The following HHIPL2 variants were observed in gnomAD, a reference collection of about 807,000 sequenced individuals.
The protein encoded by HHIPL2 is HHIP like 2.
HHIPL2 carries 61 observed loss-of-function variants against 61.0 expected under a neutral mutation model. The observed-to-expected ratio is 1.00, with a 90% CI of 0.81 to 1.24. The LOEUF (loss-of-function observed/expected upper bound fraction) is 1.24, where lower values mean the gene tolerates loss of function less well. Among genes scored for constraint, HHIPL2 ranks in the 50% most tolerant of loss-of-function variants. The pLI is 0.00. For missense variants in HHIPL2, 885 were observed against 910.2 expected, an observed-to-expected ratio of 0.97 and a Z score of 0.36; for synonymous variants, 343 against 357.4, an observed-to-expected ratio of 0.96 and a Z score of 0.45.
chr1:222,525,880 T>C (rs1262906150), intron 7 of HHIPL2, among the ~76,000 whole-genome samples: 3 of 152,020 alleles, frequency 2.0e-5, no homozygotes, highest in African/African-American at 7.3e-5. Context: ...ATGCCTGTAA[T>C]GCCAGCGACT....
Position 222,543,922 on chromosome 1 carries a change from C to T in HHIPL2, c.589G>A (p.Val197Met), listed in dbSNP as rs149523962. Residue 197 changes from valine (V) to methionine (M), a missense_variant, in exon 2 of 9, where the codon GTG becomes ATG. Physicochemically the swap from Val to Met is conservative, Grantham distance 21. Coordinates refer to ENST00000343410, the MANE Select transcript of HHIPL2 (RefSeq NM_024746.4). ...AGGCAGCCCTGAGGATCTTGGGCCA[C>T]CATGCCCAGGTGGCGGTTGAGATAG... is the stretch of plus-strand genomic sequence containing the variant. ...NDYLNRHLGM[V>M]AQDPQGCLQL... The T allele has an allele frequency of 3.1e-4, 497 of 1,614,226 alleles. 3 individuals carry two copies. In the African/African-American group the frequency reaches 6.3e-3, roughly 20 times the overall value.
chr1:222,528,328 C>T (rs548283693), intron 6 of HHIPL2, among the ~76,000 whole-genome samples: 8 of 152,262 alleles, frequency 5.3e-5, no homozygotes, highest in South Asian at 2.1e-4. Flanking sequence ...ATAACCAGGC[C>T]GGGCGCGGTA....
rs752163483 is a variant in HHIPL2 at position 222,522,846 on chromosome 1, CAG to C, written c.1928_1929del (p.Ala643GlyfsTer2). 7 of 1,614,070 alleles carry C rather than the reference CAG, an allele frequency of 4.3e-6. No homozygotes were observed. In the East Asian group the frequency reaches 1.6e-4, roughly 36 times the overall value. On this transcript the variant is annotated frameshift_variant, in exon 9 of 9. Transcript: ENST00000343410. LOFTEE classifies it low-confidence loss of function (END_TRUNC). The stretch of plus-strand genomic sequence containing the variant: ...AAGGTTGCACTGGAAGATTTTCTAG[CAG>C]CTTTCTCTGATTGTTCCTTTAGCAA... ...LDLLKEQSEKAARKSSSATLA... is the reference protein window; with the variant it reads ...LDLLKEQSEKXARKSSSATLA...
Position 222,522,856 on chromosome 1 carries a change from T to C in HHIPL2, c.1920A>G (p.Ser640=), listed in dbSNP as rs1658984563. 1 of 1,614,204 alleles carries C rather than the reference T, an allele frequency of 6.2e-7. No homozygotes were observed. Among genetic ancestry groups the C allele is most frequent in the Non-Finnish European group, 8.5e-7 (1 of 1,180,028 alleles). The part of the protein sequence containing the change: ...KTVLDLLKEQ[S]EKAARKSSSA... ...TGGAAGATTTTCTAGCAGCTTTCTC[T>C]GATTGTTCCTTTAGCAAGTCCAAGA... Residue 640 remains serine (S), a synonymous_variant, in exon 9 of 9, where the codon TCA becomes TCG. Coordinates refer to ENST00000343410, the MANE Select transcript of HHIPL2 (RefSeq NM_024746.4).
At position 222,538,632 on chromosome 1, in the gene HHIPL2, ATCAGTCCTTCCT is replaced by A; in HGVS notation, c.1577+4_1577+15del. 6.2e-7 allele frequency: 1 copy of A among 1,609,316 alleles called. No homozygotes were observed. The highest frequency in any genetic ancestry group is 1.1e-5 in the South Asian group (1 of 90,454). ...TAAAATAAAAAGAGGGAGAAGGGAC[ATCAGTCCTTCCT>A]TACCCACTCATGAAGTCTCCAAAGA... On this transcript the variant is annotated splice_donor_5th_base_variant and intron_variant, in intron 5 of 8. Coordinates refer to ENST00000343410, the MANE Select transcript of HHIPL2 (RefSeq NM_024746.4).
intron 1 of HHIPL2, among the ~76,000 whole-genome samples, 173 bp downstream of exon 1, chr1:222,547,551 C>T (rs1341595946): frequency 6.6e-6 from 1 of 152,026 alleles, no homozygotes; most frequent in Non-Finnish European, 1.5e-5. Context: ...CCATGGAGAC[C>T]AAATTCAGCA....
chr1:222,542,214 C>A, intron 2 of HHIPL2, 59 bp from the exon 3 acceptor site: 1 of 1,581,530 alleles, frequency 6.3e-7, no homozygotes, highest in Non-Finnish European at 8.6e-7. Context: ...GCTGCATCCT[C>A]TTGAGATACC....
intron 6 of HHIPL2, among the ~76,000 whole-genome samples, chr1:222,529,347 G>A (rs1659140725): frequency 6.6e-6 from 1 of 152,174 alleles, no homozygotes; most frequent in South Asian, 2.1e-4. Flanking sequence ...GGAAGCCCAG[G>A]CACCATCCAG....
chr1:222,530,181 G>C (rs893728876), intron 6 of HHIPL2, among the ~76,000 whole-genome samples: 2 of 151,760 alleles, frequency 1.3e-5, no homozygotes, highest in African/African-American at 4.8e-5. Context: ...TTTTTATGCT[G>C]TCTGTTTTCT....
At chr1:222,534,839 A>T (rs1486436250) in intron 5 of HHIPL2, among the ~76,000 whole-genome samples, 1 of 152,186 alleles carries the variant, frequency 6.6e-6, no homozygotes, top group Admixed American at 6.5e-5. Flanking sequence ...AACTTTAAGC[A>T]GCCCAATATA....
At position 222,543,960 on chromosome 1, in the gene HHIPL2, A is replaced by T. The variant is rs545498641; in HGVS notation, c.551T>A (p.Val184Asp). The change falls in exon 2 of 9, where the codon GTC becomes GAC. Residue 184 changes from valine (V) to aspartate (D), a missense_variant. Val to Asp is a radical substitution (Grantham distance 152, BLOSUM62 -3). Coordinates refer to ENST00000343410, the MANE Select transcript of HHIPL2 (RefSeq NM_024746.4). Reference protein sequence around the residue: ...LPDKDYCFPNVLRNDYLNRHL... With the variant: ...LPDKDYCFPNDLRNDYLNRHL... ...GCGGTTGAGATAGTCGTTCCTCAGG[A>T]CATTAGGGAAGCAATAGTCCTTGTC... 3.1e-6 allele frequency: 5 copies of T among 1,614,140 alleles called. No homozygotes were observed. In the African/African-American group the frequency reaches 4.0e-5, roughly 13 times the overall value.
intron 6 of HHIPL2, among the ~76,000 whole-genome samples, chr1:222,527,778 C>T (rs1365669685): frequency 6.6e-6 from 1 of 152,186 alleles, no homozygotes; most frequent in Non-Finnish European, 1.5e-5. Context: ...GAATAAGTCT[C>T]ATGAGCTCCG....
chr1:222,531,930 G>A (rs767521417), intron 6 of HHIPL2, 36 bp downstream of exon 6: 5 of 1,557,780 alleles, frequency 3.2e-6, no homozygotes, highest in East Asian at 2.3e-5. Context: ...CCGAGTTCTA[G>A]TAAGCAGAAA....
intron 1 of HHIPL2, among the ~76,000 whole-genome samples, 158 bp downstream of exon 1, chr1:222,547,566 C>A (rs905026366): frequency 9.9e-5 from 15 of 152,088 alleles, no homozygotes; most frequent in African/African-American, 3.4e-4. Context: ...TCAGCACACA[C>A]TCATGTCAGT....
intron 7 of HHIPL2, among the ~76,000 whole-genome samples, chr1:222,524,608 G>A (rs376498879): frequency 4.5e-4 from 68 of 152,288 alleles, no homozygotes; most frequent in African/African-American, 1.6e-3. Context: ...CAGTGGCAAA[G>A]CCAAGATTCC....
At chr1:222,531,216 G>T (rs1369249071) in intron 6 of HHIPL2, among the ~76,000 whole-genome samples, 1 of 152,100 alleles carries the variant, frequency 6.6e-6, no homozygotes, top group Admixed American at 6.6e-5. Context: ...CTCTTGGCAA[G>T]GTCAGGAAAG....
intron 5 of HHIPL2, among the ~76,000 whole-genome samples, chr1:222,537,779 T>TA (rs112106705): frequency 0.13 from 19,980 of 151,976 alleles, 1,783 homozygotes; most frequent in African/African-American, 0.26. Context: ...AAGCTCAATA[T>TA]AAAAAAATTC....
Position 222,522,744 on chromosome 1 carries a change from T to C in HHIPL2, c.2032A>G (p.Thr678Ala), listed in dbSNP as rs1306953176. 1 of 1,614,136 alleles carries C rather than the reference T, an allele frequency of 6.2e-7. No individual in the cohort carries two copies. Among genetic ancestry groups the C allele is most frequent in the Non-Finnish European group, 8.5e-7 (1 of 1,180,032 alleles). ...TTCTTTGTACCAGGCCCTCGCAATG[T>C]ATTCTTGCTGCTTGTAGGAGAAGCC... ...KLASPTSSKN[T>A]LRGPGTKKKA... Residue 678 changes from threonine (T) to alanine (A), a missense_variant, in exon 9 of 9, where the codon ACA becomes GCA. Physicochemically the swap from Thr to Ala is moderately conservative, Grantham distance 58. Coordinates refer to ENST00000343410, the MANE Select transcript of HHIPL2 (RefSeq NM_024746.4).
chr1:222,526,925 A>G (rs1659078862), intron 7 of HHIPL2, 44 bp downstream of exon 7: 15 of 1,501,038 alleles, frequency 1.0e-5, no homozygotes, highest in Non-Finnish European at 1.4e-5. Flanking sequence ...GGAGATAAGA[A>G]ATGAGAAAAA....
Sources: allele counts gnomAD v4.1 joint callset (sites outside exome capture counted in the v4.1 genomes callset), GRCh38; gene constraint gnomAD v4.1.1; transcripts MANE v1.5; gene names NCBI Gene and HGNC (gene_info 2026-07-23, HGNC 2026-07-21).